SLC75A1: variants seen among roughly 807,000 people sequenced by gnomAD.
The protein encoded by SLC75A1 is solute carrier family 75 member 1.
At chr4:2,933,868 G>A in the SLC75A1 span, 3 of 1,583,672 alleles carry the variant, frequency 1.9e-6, no homozygotes, top group Non-Finnish European at 2.6e-6. Flanking sequence ...GCGCTCCGGC[G>A]GCTGCTGGTG....
the SLC75A1 span, chr4:2,933,865 G>A: frequency 3.2e-6 from 5 of 1,583,904 alleles, no homozygotes; most frequent in Admixed American, 1.8e-5. Context: ...GCGGCGCTCC[G>A]GCGGCTGCTG....
At chr4:2,931,977 G>A in the SLC75A1 span, 3 of 1,602,828 alleles carry the variant, frequency 1.9e-6, no homozygotes, top group Non-Finnish European at 2.6e-6. Flanking sequence ...GACCACAGCA[G>A]GGAAGGGCGC....
the SLC75A1 span, chr4:2,933,086 A>G: frequency 6.2e-7 from 1 of 1,609,018 alleles, no homozygotes; most frequent in South Asian, 1.1e-5. Context: ...CCCCATGGGC[A>G]CCCAGGCCCA....
the SLC75A1 span, chr4:2,932,843 A>AC: frequency 6.9e-7 from 1 of 1,459,738 alleles, no homozygotes; most frequent in Non-Finnish European, 9.1e-7. Context: ...CCCAGACAAC[A>AC]CCCCTCAACC....
the SLC75A1 span, chr4:2,932,468 AG>A: frequency 6.2e-7 from 1 of 1,613,612 alleles, no homozygotes; most frequent in East Asian, 2.2e-5. Flanking sequence ...CTCCGAGCAT[AG>A]GGCCCAGGGT....
At chr4:2,933,144 C>T in the SLC75A1 span, 4 of 1,613,640 alleles carry the variant, frequency 2.5e-6, no homozygotes, top group South Asian at 2.2e-5. Flanking sequence ...CCCAAGCAGT[C>T]AGAGGTGGCC....
chr4:2,933,511 C>A, the SLC75A1 span: 1 of 1,556,492 alleles, frequency 6.4e-7, no homozygotes, highest in South Asian at 1.1e-5. Context: ...GGCTGGACCA[C>A]GTCCACCAAA....
the SLC75A1 span, chr4:2,932,488 G>T: frequency 3.0e-5 from 49 of 1,613,638 alleles, no homozygotes; most frequent in Non-Finnish European, 4.0e-5. Flanking sequence ...GTGAAGCCCA[G>T]TGAGAAGGCC....
At chr4:2,933,994 G>A in the SLC75A1 span, 9 of 1,474,642 alleles carry the variant, frequency 6.1e-6, no homozygotes, top group Non-Finnish European at 8.2e-6. Flanking sequence ...AGTCCTCCGG[G>A]GCCTGGCATA....
the SLC75A1 span, chr4:2,932,085 G>A: frequency 5.0e-6 from 8 of 1,610,986 alleles, no homozygotes; most frequent in African/African-American, 1.1e-4. Context: ...CGACAGCCGA[G>A]AAGCGCAGCA....
the SLC75A1 span, chr4:2,932,949 G>A: frequency 2.9e-6 from 3 of 1,028,826 alleles, no homozygotes; most frequent in African/African-American, 1.6e-5. Flanking sequence ...TGGAACAGGA[G>A]CCACTGGTCC....
At chr4:2,930,703 G>A in the SLC75A1 span, 2 of 938,222 alleles carry the variant, frequency 2.1e-6, no homozygotes, top group South Asian at 1.7e-5. Flanking sequence ...AGCTGCCTGA[G>A]CTTCCTGCTT....
chr4:2,933,896 T>C, the SLC75A1 span: 1 of 1,573,314 alleles, frequency 6.4e-7, no homozygotes, highest in Admixed American at 1.9e-5. Context: ...GGGCGCGGGG[T>C]GCAGCCTCCA....
At chr4:2,932,501 C>G in the SLC75A1 span, 3 of 1,613,630 alleles carry the variant, frequency 1.9e-6, no homozygotes, top group Non-Finnish European at 2.5e-6. Flanking sequence ...AGAAGGCCAC[C>G]CCAATGACCG....
chr4:2,934,817 G>C, the SLC75A1 span: 1 of 150,312 alleles, frequency 6.7e-6, no homozygotes, highest in East Asian at 2.0e-4. Context: ...ACGCGGAACA[G>C]GGCACCAGGC....
the SLC75A1 span, chr4:2,933,632 A>G: frequency 1.2e-6 from 2 of 1,612,784 alleles, no homozygotes; most frequent in Non-Finnish European, 1.7e-6. Flanking sequence ...AAACCAGTCC[A>G]CCCCGCCCTG....
At chr4:2,933,435 C>A in the SLC75A1 span, 1 of 1,045,932 alleles carries the variant, frequency 9.6e-7, no homozygotes. Flanking sequence ...GACATGTGGG[C>A]AAGGGCACCA....
the SLC75A1 span, chr4:2,930,632 G>A: frequency 2.7e-5 from 16 of 598,776 alleles, no homozygotes; most frequent in East Asian, 1.4e-4. Context: ...ACAAACAGAA[G>A]CCCTGACAGC....
the SLC75A1 span, chr4:2,931,823 A>C: frequency 5.6e-6 from 9 of 1,596,516 alleles, no homozygotes; most frequent in South Asian, 6.8e-5. Flanking sequence ...ATGGGGACCC[A>C]CCTACTGAAC....
Sources: allele counts gnomAD v4.1 joint callset, GRCh38; gene constraint gnomAD v4.1.1; transcripts MANE v1.5; gene names NCBI Gene and HGNC (gene_info 2026-07-23, HGNC 2026-07-21).